The following CSMD1 variants were observed in gnomAD, a reference collection of about 807,000 sequenced individuals.
CSMD1 encodes the protein CUB and Sushi multiple domains 1.
CSMD1 carries 213 observed loss-of-function variants against 417.5 expected under a neutral mutation model. The ratio of observed to expected loss-of-function variants is 0.51; its 90% CI spans 0.46 to 0.57. The LOEUF is 0.57. CSMD1 is among the 20% of genes least tolerant of loss of function. CSMD1 has a pLI of 0.00. For synonymous variants in CSMD1, 2,862 were observed against 1,736.8 expected (o/e 1.65, Z -16.11); for missense variants, 6,923 against 4,529.7 (o/e 1.53, Z -15.17).
chr8:4,017,013 T>C (rs1043372741), intron 4 of CSMD1, among the ~76,000 whole-genome samples: 8 of 152,162 alleles, frequency 5.3e-5, no homozygotes, highest in Non-Finnish European at 1.2e-4. Context: ...ATAGAAGACT[T>C]TCAGAAGGAA....
chr8:4,959,768 T>A (rs1809357354), intron 1 of CSMD1, among the ~76,000 whole-genome samples: 1 of 152,226 alleles, frequency 6.6e-6, no homozygotes, highest in Non-Finnish European at 1.5e-5. Context: ...GTACGTGACC[T>A]TTGTTCTGAC....
chr8:4,204,337 C>G (rs879086150), intron 3 of CSMD1, among the ~76,000 whole-genome samples: 1 of 151,514 alleles, frequency 6.6e-6, no homozygotes, highest in Admixed American at 6.6e-5. Flanking sequence ...TAAAAATGTC[C>G]TATTTCCACT....
intron 2 of CSMD1, among the ~76,000 whole-genome samples, chr8:4,622,647 G>C (rs1225017158): frequency 6.6e-6 from 1 of 152,132 alleles, no homozygotes; most frequent in African/African-American, 2.4e-5. Context: ...GAAATGAAGG[G>C]CAATATGCTA....
At chr8:4,631,108 A>C (rs899930542) in intron 2 of CSMD1, among the ~76,000 whole-genome samples, 5 of 152,172 alleles carry the variant, frequency 3.3e-5, no homozygotes, top group African/African-American at 1.2e-4. Flanking sequence ...CACACCTGTA[A>C]TCCCAGCACT....
rs530985073 is a variant in CSMD1, at chr8:3,576,944, C to T, written c.1223-1878G>A. On this transcript the variant is annotated intron_variant, in intron 9 of 69. Transcript: ENST00000635120. Reference sequence around the variant, plus strand: ...AACAGCTGTTATAAACATCATGTAGCGTTCATAAATATTTGCTGATTTAAT... The same window carrying T: ...AACAGCTGTTATAAACATCATGTAGTGTTCATAAATATTTGCTGATTTAAT... 3.3e-5 allele frequency among the ~76,000 whole-genome samples: 5 copies of T among 152,296 alleles called. No homozygotes were observed. The East Asian group carries it at 7.7e-4, about 24-fold the overall frequency.
intron 5 of CSMD1, among the ~76,000 whole-genome samples, chr8:3,809,791 T>A (rs1423869112): frequency 6.6e-6 from 1 of 152,140 alleles, no homozygotes; most frequent in African/African-American, 2.4e-5. Flanking sequence ...GGGTTCTATG[T>A]CATTAGGAGA....
intron 3 of CSMD1, among the ~76,000 whole-genome samples, chr8:4,234,381 C>T (rs1205989249): frequency 6.6e-6 from 1 of 152,078 alleles, no homozygotes; most frequent in Non-Finnish European, 1.5e-5. Context: ...AGATGTGTGG[C>T]AGCCACCGGC....
At chr8:4,037,053 C>A (rs999475505) in intron 3 of CSMD1, among the ~76,000 whole-genome samples, 8 of 151,868 alleles carry the variant, frequency 5.3e-5, no homozygotes, top group African/African-American at 1.7e-4. Flanking sequence ...GCACCCGGAG[C>A]TGCTGAGACA....
chr8:4,429,588 G>A (rs1284713369), intron 2 of CSMD1, among the ~76,000 whole-genome samples: 1 of 152,218 alleles, frequency 6.6e-6, no homozygotes, highest in Middle Eastern at 3.4e-3. Context: ...TGATTTAGGA[G>A]GCAAAGAAAG....
chr8:3,945,524 G>A (rs962006962), intron 5 of CSMD1, among the ~76,000 whole-genome samples: 4 of 151,846 alleles, frequency 2.6e-5, no homozygotes, highest in African/African-American at 9.7e-5. Context: ...TGGTAATAGT[G>A]AAAGGCGTTG....
chr8:4,205,419 C>A (rs964623695), intron 3 of CSMD1, among the ~76,000 whole-genome samples: 3 of 152,144 alleles, frequency 2.0e-5, no homozygotes, highest in Non-Finnish European at 2.9e-5. Flanking sequence ...TTTTTAGTAT[C>A]ACCAAACTGA....
chr8:4,325,232 C>A (rs919912264), intron 3 of CSMD1, among the ~76,000 whole-genome samples: 2 of 152,134 alleles, frequency 1.3e-5, no homozygotes, highest in Non-Finnish European at 2.9e-5. Context: ...TTCCCCTGAA[C>A]CAGGAATGTG....
chr8:3,494,206 C>G (rs1024174370), intron 10 of CSMD1, among the ~76,000 whole-genome samples: 13 of 152,132 alleles, frequency 8.5e-5, no homozygotes, highest in Non-Finnish European at 1.8e-4. Context: ...AAGCTCTCCT[C>G]TATATTTAGT....
intron 1 of CSMD1, among the ~76,000 whole-genome samples, chr8:4,952,159 TCA>T (rs954431579): frequency 5.3e-5 from 8 of 151,902 alleles, no homozygotes; most frequent in African/African-American, 1.9e-4. Flanking sequence ...CTTAAAATTA[TCA>T]CACACACCTC....
At chr8:4,050,633 T>C (rs1387948316) in intron 3 of CSMD1, among the ~76,000 whole-genome samples, 3 of 152,112 alleles carry the variant, frequency 2.0e-5, no homozygotes, top group African/African-American at 7.2e-5. Context: ...TGCGGTGCTA[T>C]CAAATACTAG....
intron 3 of CSMD1, among the ~76,000 whole-genome samples, chr8:4,249,295 G>A (rs1802904337): frequency 6.6e-6 from 1 of 152,180 alleles, no homozygotes; most frequent in Non-Finnish European, 1.5e-5. Flanking sequence ...ATGGAAGGTA[G>A]GATGAAGATG....
chr8:3,411,752 G>GTA (rs1286739507), intron 12 of CSMD1, among the ~76,000 whole-genome samples: 7 of 119,832 alleles, frequency 5.8e-5, no homozygotes, highest in South Asian at 2.8e-4. Flanking sequence ...ATATACACGT[G>GTA]TATATACGTG....
chr8:3,642,887 A>T (rs1797375979), intron 7 of CSMD1, among the ~76,000 whole-genome samples: 1 of 151,948 alleles, frequency 6.6e-6, no homozygotes, highest in South Asian at 2.1e-4. Context: ...TAGATTATAC[A>T]TACACACACA....
intron 2 of CSMD1, among the ~76,000 whole-genome samples, chr8:4,420,553 T>C (rs947585173): frequency 7.9e-5 from 12 of 152,144 alleles, no homozygotes; most frequent in Non-Finnish European, 1.2e-4. Context: ...ATAAAAAATA[T>C]GACAGGTAAA....
Sources: allele counts gnomAD v4.1 joint callset (sites outside exome capture counted in the v4.1 genomes callset), GRCh38; gene constraint gnomAD v4.1.1; transcripts MANE v1.5; gene names NCBI Gene and HGNC (gene_info 2026-07-23, HGNC 2026-07-21).